The following PCDHA2 variants were observed in gnomAD, a reference collection of about 807,000 sequenced individuals.
PCDHA2 encodes protocadherin alpha-2.
In PCDHA2, 58 loss-of-function variants were observed where a neutral mutation model predicts 66.0. The observed-to-expected ratio is 0.88, with a 90% CI of 0.71 to 1.09. PCDHA2 has a LOEUF of 1.09. Ranked by LOEUF, PCDHA2 falls within the 50% of genes least tolerant of loss-of-function variation. PCDHA2 has a pLI of 0.00. For missense variants in PCDHA2, 1,267 were observed against 1,242.3 expected (o/e 1.02, Z -0.30); for synonymous variants, 634 against 554.0 (o/e 1.14, Z -2.03).
chr5:140,938,810 C>G (rs1182517488), intron 1 of PCDHA2, among the ~76,000 whole-genome samples: 1 of 152,030 alleles, frequency 6.6e-6, no homozygotes, highest in Non-Finnish European at 1.5e-5. Context: ...ACCACAAACC[C>G]CTGTGACATG....
At chr5:140,938,187 C>A (rs1584944424) in intron 1 of PCDHA2, among the ~76,000 whole-genome samples, 1 of 152,276 alleles carries the variant, frequency 6.6e-6, no homozygotes, top group Non-Finnish European at 1.5e-5. Context: ...CTCAAGCAAT[C>A]CTCCCACGCC....
At chr5:140,823,956 C>A (rs2150130724) in intron 1 of PCDHA2, 23 of 1,613,908 alleles carry the variant, frequency 1.4e-5, no homozygotes, top group South Asian at 7.7e-5. Flanking sequence ...CGCAGCCCAC[C>A]GAGGCCGTGT....
At chr5:140,931,815 T>C (rs954167352) in intron 1 of PCDHA2, among the ~76,000 whole-genome samples, 47 of 152,114 alleles carry the variant, frequency 3.1e-4, no homozygotes, top group African/African-American at 8.4e-4. Flanking sequence ...TAGAAAAGAA[T>C]TCTTGTCATA....
chr5:140,929,646 A>G (rs868995130), intron 1 of PCDHA2: 1 of 365,824 alleles, frequency 2.7e-6, no homozygotes, highest in Non-Finnish European at 5.0e-6. Flanking sequence ...TGTGTAAGGC[A>G]CTCTAATATT....
intron 1 of PCDHA2, chr5:140,847,692 T>C (rs1011959129): frequency 1.3e-5 from 2 of 149,872 alleles, no homozygotes; most frequent in Non-Finnish European, 3.0e-5. Context: ...ACAACACATT[T>C]CTGGAAACAG....
At chr5:140,950,429 T>TGTA (rs1554219455) in intron 1 of PCDHA2, among the ~76,000 whole-genome samples, 5 of 151,900 alleles carry the variant, frequency 3.3e-5, no homozygotes, top group African/African-American at 1.2e-4. Flanking sequence ...TTCTTCCACT[T>TGTA]AAAAAAAATG....
At chr5:140,980,585 G>A (rs1181393743) in intron 2 of PCDHA2, among the ~76,000 whole-genome samples, 2 of 151,902 alleles carry the variant, frequency 1.3e-5, no homozygotes, top group African/African-American at 2.4e-5. Flanking sequence ...AGCCAAGATC[G>A]AGCCACTGCA....
At chr5:140,829,609 C>T (rs1562309230) in intron 1 of PCDHA2, 3 of 1,612,110 alleles carry the variant, frequency 1.9e-6, no homozygotes, top group Non-Finnish European at 2.5e-6. Flanking sequence ...CGTTGTCGAG[C>T]TACATTTCGG....
chr5:140,823,361 T>C lies in PCDHA2; in HGVS notation c.2388+26009T>C, dbSNP rs2150125012. The C allele has an allele frequency of 2.5e-6, 4 of 1,612,648 alleles. No homozygotes were observed. The South Asian group carries it at 3.3e-5, about 13-fold the overall frequency. On this transcript the variant is annotated intron_variant, in intron 1 of 3. Coordinates refer to ENST00000526136, the MANE Select transcript of PCDHA2 (RefSeq NM_018905.3). ...CCGCTGGACCACGAGGAAGTGGAGC[T>C]GCTGCAGTTCCAGGTGAGCGCGCGC...
chr5:140,876,092 A>C, intron 1 of PCDHA2: 2 of 1,613,948 alleles, frequency 1.2e-6, no homozygotes, highest in Non-Finnish European at 1.7e-6. Context: ...CAAACGCCAA[A>C]ACTCAATTTA....
intron 1 of PCDHA2, chr5:140,808,467 C>T (rs1764178658): frequency 1.9e-6 from 3 of 1,614,052 alleles, no homozygotes; most frequent in African/African-American, 2.7e-5. Flanking sequence ...GTGGTGACCG[C>T]GCGAGACGGG....
chr5:140,996,814 G>T (rs1186688734), intron 3 of PCDHA2, among the ~76,000 whole-genome samples: 1 of 152,144 alleles, frequency 6.6e-6, no homozygotes, highest in African/African-American at 2.4e-5. Flanking sequence ...CTTTCCAAAA[G>T]TAACCACTAC....
rs2150358233 is a variant in PCDHA2 at position 140,843,360 on chromosome 5, C to G, written c.2388+46008C>G. On this transcript the variant is annotated intron_variant, in intron 1 of 3. Coordinates refer to ENST00000526136, the MANE Select transcript of PCDHA2 (RefSeq NM_018905.3). Reference sequence around the variant, plus strand: ...AGCGGCCAGGCTCCAAAAGCGTCATCGAGGCAGTCGGCTGGCGTTTTGGGT... The same window carrying G: ...AGCGGCCAGGCTCCAAAAGCGTCATGGAGGCAGTCGGCTGGCGTTTTGGGT... 32 of 1,596,088 alleles carry G rather than the reference C, an allele frequency of 2.0e-5. 6 individuals carry two copies. Among genetic ancestry groups the G allele is most frequent in the Non-Finnish European group, 2.6e-5 (30 of 1,165,594 alleles).
At chr5:140,998,118 G>A (rs545818682) in intron 3 of PCDHA2, among the ~76,000 whole-genome samples, 5 of 152,282 alleles carry the variant, frequency 3.3e-5, no homozygotes, top group Admixed American at 1.3e-4. Flanking sequence ...AAATTTACTT[G>A]TGAATCATAA....
intron 1 of PCDHA2, chr5:140,882,427 G>A: frequency 6.2e-7 from 1 of 1,614,090 alleles, no homozygotes; most frequent in Non-Finnish European, 8.5e-7. Flanking sequence ...AGGACCTGGG[G>A]CTGGAGCTGG....
intron 1 of PCDHA2, among the ~76,000 whole-genome samples, chr5:140,910,225 T>C (rs1194368347): frequency 6.6e-6 from 1 of 152,232 alleles, no homozygotes; most frequent in Non-Finnish European, 1.5e-5. Flanking sequence ...TTTCTGCTTA[T>C]ATAAATTAAA....
chr5:140,842,996 A>C, intron 1 of PCDHA2: 1 of 1,594,948 alleles, frequency 6.3e-7, no homozygotes, highest in Non-Finnish European at 8.6e-7. Flanking sequence ...GCTGGACGAG[A>C]ATGACAACGC....
At chr5:140,803,890 G>A (rs1011549808) in intron 1 of PCDHA2, 6 of 533,876 alleles carry the variant, frequency 1.1e-5, no homozygotes, top group South Asian at 2.4e-5. Flanking sequence ...TAGATGAATT[G>A]CATTATTTAG....
chr5:140,967,889 C>T, intron 1 of PCDHA2: 1 of 1,614,146 alleles, frequency 6.2e-7, no homozygotes, highest in Non-Finnish European at 8.5e-7. Context: ...TAGCCCAGTG[C>T]CTGAGAATGC....
Sources: gnomAD v4.1 joint callset for allele counts (sites outside exome capture counted in the v4.1 genomes callset) on GRCh38, gnomAD v4.1.1 for gene constraint, MANE v1.5 for transcripts, NCBI Gene and HGNC (gene_info 2026-07-23, HGNC 2026-07-21) for gene names.